Variants in DLC1 observed in about 807,000 individuals in gnomAD.
The protein encoded by DLC1 is rho GTPase-activating protein 7.
DLC1 carries 54 observed loss-of-function variants against 140.3 expected under a neutral mutation model. The observed-to-expected ratio is 0.38, with a 90% CI of 0.31 to 0.48. The LOEUF (loss-of-function observed/expected upper bound fraction) is 0.48. DLC1 is among the 20% of genes least tolerant of loss of function. The probability of loss-of-function intolerance (pLI) is 0.96; values close to 1 mark genes in which losing one functional copy is unlikely to be tolerated. For synonymous variants in DLC1, 986 were observed against 728.1 expected, an observed-to-expected ratio of 1.35 and a Z score of -5.70; for missense variants, 2,536 against 1,907.0, an observed-to-expected ratio of 1.33 and a Z score of -6.14.
At chr8:13,296,172 T>C (rs1167425581) in intron 5 of DLC1, among the ~76,000 whole-genome samples, 1 of 151,876 alleles carries the variant, frequency 6.6e-6, no homozygotes, top group South Asian at 2.1e-4. Context: ...GCCAGGCTGG[T>C]CTCGAGCTCT....
At chr8:13,418,743 T>C (rs906222904) in intron 2 of DLC1, among the ~76,000 whole-genome samples, 4 of 152,056 alleles carry the variant, frequency 2.6e-5, no homozygotes, top group South Asian at 2.1e-4. Flanking sequence ...TTTTCCAATT[T>C]TGTGAAGAAA....
chr8:13,393,114 A>C (rs181700990), intron 4 of DLC1, among the ~76,000 whole-genome samples: 44 of 151,492 alleles, frequency 2.9e-4, no homozygotes, highest in African/African-American at 1.0e-3. Flanking sequence ...GTTTCTCCTT[A>C]TCAATCAATC....
intron 5 of DLC1, among the ~76,000 whole-genome samples, chr8:13,155,330 C>G (rs146713970): frequency 1.3e-5 from 2 of 149,694 alleles, no homozygotes; most frequent in Admixed American, 1.3e-4. Context: ...TTATGGTGAG[C>G]ACATGACAAA....
At chr8:13,187,256 C>G (rs565488823) in intron 5 of DLC1, among the ~76,000 whole-genome samples, 1 of 152,200 alleles carries the variant, frequency 6.6e-6, no homozygotes, top group East Asian at 1.9e-4. Context: ...AATGTAAGGT[C>G]TATGATAGCA....
At chr8:13,431,213 A>G (rs1295685162) in intron 2 of DLC1, among the ~76,000 whole-genome samples, 2 of 152,162 alleles carry the variant, frequency 1.3e-5, no homozygotes, top group African/African-American at 2.4e-5. Flanking sequence ...GGCCAGGCAC[A>G]GTGGCTCACG....
chr8:13,604,103 A>T (rs1805971851), intron 1 of DLC1, among the ~76,000 whole-genome samples: 1 of 152,166 alleles, frequency 6.6e-6, no homozygotes, highest in East Asian at 1.9e-4. Context: ...GATATGCTGA[A>T]ATTATTCAAT....
At chr8:13,149,525 C>G (rs75825450) in intron 5 of DLC1, among the ~76,000 whole-genome samples, 179 of 152,312 alleles carry the variant, frequency 1.2e-3, no homozygotes, top group African/African-American at 4.2e-3. Flanking sequence ...CTCTCTGTGT[C>G]TATTCCTCAT....
chr8:13,276,618 G>A, intron 5 of DLC1: 8 of 1,228,432 alleles, frequency 6.5e-6, no homozygotes, highest in Non-Finnish European at 8.1e-6. Context: ...CTGCGCCGGC[G>A]ACACCCTCGC....
rs545712803 is a variant in DLC1, at chr8:13,256,447, A to T, written c.1348+48822T>A. ...GTATGTTTATTGCAACACTATTCAC[A>T]ATAGCAAAGACTTGGAACCAACTCA... On this transcript the variant is annotated intron_variant, in intron 5 of 17. Transcript: ENST00000276297. Among the ~76,000 whole-genome samples, 317 of 152,294 alleles carry T rather than the reference A, an allele frequency of 2.1e-3. 2 individuals carry two copies. Among genetic ancestry groups the T allele is most frequent in the African/African-American group, 7.0e-3 (291 of 41,552 alleles).
chr8:13,353,629 G>A (rs374066623), intron 4 of DLC1: 1 of 152,212 alleles, frequency 6.6e-6, no homozygotes, highest in African/African-American at 2.4e-5. Flanking sequence ...GGCAGAGACG[G>A]GCGGCTCACC....
intron 4 of DLC1, among the ~76,000 whole-genome samples, chr8:13,350,577 G>A (rs972596421): frequency 3.9e-5 from 6 of 152,138 alleles, no homozygotes; most frequent in Admixed American, 1.3e-4. Context: ...TTAGCCGGGC[G>A]TGGTGGTGGC....
At chr8:13,485,092 G>A (rs934114480) in intron 2 of DLC1, among the ~76,000 whole-genome samples, 1 of 152,120 alleles carries the variant, frequency 6.6e-6, no homozygotes, top group Non-Finnish European at 1.5e-5. Context: ...CTTAAGTGTG[G>A]TGGCTATTTT....
intron 4 of DLC1, among the ~76,000 whole-genome samples, chr8:13,314,258 A>G (rs982328094): frequency 3.4e-5 from 5 of 148,396 alleles, no homozygotes; most frequent in Non-Finnish European, 7.4e-5. Context: ...ATGTGTATAC[A>G]TATTATATAT....
At chr8:13,373,947 T>C (rs1467900860) in intron 4 of DLC1, among the ~76,000 whole-genome samples, 1 of 152,210 alleles carries the variant, frequency 6.6e-6, no homozygotes, top group African/African-American at 2.4e-5. Context: ...TTATGGAAAA[T>C]TTGGCATAAT....
intron 5 of DLC1, among the ~76,000 whole-genome samples, chr8:13,135,203 C>G (rs1006050649): frequency 2.8e-5 from 4 of 142,162 alleles, no homozygotes; most frequent in African/African-American, 1.1e-4. Flanking sequence ...CAGTGAGAAG[C>G]CTTTTTTTTT....
At chr8:13,600,274 A>G (rs1307326849) in intron 1 of DLC1, among the ~76,000 whole-genome samples, 1 of 152,002 alleles carries the variant, frequency 6.6e-6, no homozygotes, top group East Asian at 1.9e-4. Flanking sequence ...CAAGGCATGG[A>G]CTATATAGAA....
chr8:13,581,771 C>G (rs1434336981), intron 1 of DLC1, among the ~76,000 whole-genome samples: 1 of 152,158 alleles, frequency 6.6e-6, no homozygotes, highest in East Asian at 1.9e-4. Context: ...CTTTATCAGG[C>G]CATGCAAGGT....
chr8:13,265,114 T>C (rs1412190016), intron 5 of DLC1, among the ~76,000 whole-genome samples: 2 of 152,206 alleles, frequency 1.3e-5, no homozygotes, highest in Non-Finnish European at 2.9e-5. Context: ...TTTCCTAAGC[T>C]CCATTTAAAC....
chr8:13,443,723 A>G (rs1157072270), intron 2 of DLC1, among the ~76,000 whole-genome samples: 2 of 152,148 alleles, frequency 1.3e-5, no homozygotes, highest in African/African-American at 4.8e-5. Flanking sequence ...GCATTATGCT[A>G]CACGCAGGCA....
Sources: allele counts gnomAD v4.1 joint callset (sites outside exome capture counted in the v4.1 genomes callset), GRCh38; gene constraint gnomAD v4.1.1; transcripts MANE v1.5; gene names NCBI Gene and HGNC (gene_info 2026-07-23, HGNC 2026-07-21).